The following EMCN variants were observed in gnomAD, a reference collection of about 807,000 sequenced individuals.
The protein encoded by EMCN is MUC-14.
In EMCN, 37 loss-of-function variants were observed where a neutral mutation model predicts 38.4. The observed-to-expected ratio is 0.96, with a 90% confidence interval of 0.74 to 1.27. The LOEUF is 1.27. EMCN is among the 50% of genes most tolerant of loss of function. The pLI is 0.00. For synonymous variants in EMCN, 95 were observed against 100.8 expected, an observed-to-expected ratio of 0.94 and a Z score of 0.35; for missense variants, 318 against 302.8, an observed-to-expected ratio of 1.05 and a Z score of -0.37.
intron 4 of EMCN, among the ~76,000 whole-genome samples, chr4:100,458,677 G>T (rs1419393431): frequency 6.6e-6 from 1 of 152,056 alleles, no homozygotes; most frequent in Non-Finnish European, 1.5e-5. Context: ...AACTAACAAA[G>T]GCCTTAAAAC....
intron 8 of EMCN, 38 bp downstream of exon 8, chr4:100,421,244 C>G: frequency 1.3e-6 from 2 of 1,544,494 alleles, no homozygotes; most frequent in Non-Finnish European, 1.8e-6. Flanking sequence ...AGCATTCATT[C>G]TTCTTTCAGG....
chr4:100,485,340 G>T (rs767374489), intron 1 of EMCN, among the ~76,000 whole-genome samples: 3 of 151,902 alleles, frequency 2.0e-5, no homozygotes, highest in African/African-American at 7.3e-5. Flanking sequence ...CAGTTTTTCA[G>T]TTATGATTTT....
chr4:100,505,338 G>A (rs1729455435), intron 1 of EMCN, among the ~76,000 whole-genome samples: 1 of 152,140 alleles, frequency 6.6e-6, no homozygotes, highest in African/African-American at 2.4e-5. Context: ...ACCCTGTGGG[G>A]CTGGACCCTA....
chr4:100,516,905 T>A (rs1309104542), intron 1 of EMCN, among the ~76,000 whole-genome samples: 1 of 152,160 alleles, frequency 6.6e-6, no homozygotes, highest in Admixed American at 6.6e-5. Flanking sequence ...CTTTCCCAAT[T>A]GTGTTCTTTT....
chr4:100,443,513 G>C (rs1016575556), intron 5 of EMCN, among the ~76,000 whole-genome samples: 24 of 152,202 alleles, frequency 1.6e-4, no homozygotes, highest in Non-Finnish European at 2.9e-5. Flanking sequence ...CAATTCTCCT[G>C]TTCTTGTCTT....
At chr4:100,502,498 C>T in intron 1 of EMCN, among the ~76,000 whole-genome samples, 1 of 152,032 alleles carries the variant, frequency 6.6e-6, no homozygotes, top group East Asian at 1.9e-4. Flanking sequence ...TAAACAATTT[C>T]TTTTTAACTC....
intron 10 of EMCN, among the ~76,000 whole-genome samples, chr4:100,411,688 C>G (rs1726565722): frequency 6.6e-6 from 1 of 151,562 alleles, no homozygotes; most frequent in Non-Finnish European, 1.5e-5. Flanking sequence ...CTATTTTTTT[C>G]TATTTTTCAT....
In EMCN at chr4:100,475,073, A is replaced by T. The variant is rs1057301475; in HGVS notation, c.224T>A (p.Met75Lys). Residue 75 changes from methionine to lysine, a missense_variant, in exon 3 of 12, where the codon ATG (methionine) becomes AAG (lysine). Physicochemically the swap from Met to Lys is moderately conservative, Grantham distance 95 (BLOSUM62 -1). Transcript: ENST00000296420. Reference sequence around the variant, plus strand: ...ACTTGTTAAAAAAGTAGCTGTTGACATCAGAGACATTTTAAGTAATTCATT... The same window carrying T: ...ACTTGTTAAAAAAGTAGCTGTTGACTTCAGAGACATTTTAAGTAATTCATT... ...ITNELLKMSLMSTATFLTSKD... is the reference protein window; with the variant it reads ...ITNELLKMSLKSTATFLTSKD... The T allele has an allele frequency of 3.1e-5, 48 of 1,542,138 alleles. No homozygotes were observed. Among genetic ancestry groups the T allele is most frequent in the Non-Finnish European group, 4.1e-5 (47 of 1,134,340 alleles).
chr4:100,455,636 A>G (rs1483952769), intron 4 of EMCN, among the ~76,000 whole-genome samples: 1 of 151,388 alleles, frequency 6.6e-6, no homozygotes, highest in African/African-American at 2.4e-5. Flanking sequence ...ATTTTTTTCA[A>G]TAGCTTCTTT....
chr4:100,494,251 C>T (rs1288045294), intron 1 of EMCN, among the ~76,000 whole-genome samples: 1 of 152,118 alleles, frequency 6.6e-6, no homozygotes, highest in East Asian at 1.9e-4. Context: ...AAAAGAGTTA[C>T]TTGTGGTGGG....
At chr4:100,505,843 A>T (rs546715393) in intron 1 of EMCN, among the ~76,000 whole-genome samples, 2 of 152,226 alleles carry the variant, frequency 1.3e-5, no homozygotes, top group Non-Finnish European at 2.9e-5. Flanking sequence ...CCACACTGGC[A>T]TGACCTACAA....
At chr4:100,483,668 T>G in intron 1 of EMCN, among the ~76,000 whole-genome samples, 1 of 152,178 alleles carries the variant, frequency 6.6e-6, no homozygotes, top group Non-Finnish European at 1.5e-5. Flanking sequence ...TAGAAAAATT[T>G]TGCAACTGGA....
chr4:100,420,521 C>A (rs1347197), intron 8 of EMCN, among the ~76,000 whole-genome samples: 130,211 of 151,876 alleles, frequency 0.86, 56,321 homozygotes, highest in South Asian at 0.93. Flanking sequence ...TTTGCAATTA[C>A]GGTAACATGA....
chr4:100,473,386 G>GTTTT (rs58646995), intron 3 of EMCN, among the ~76,000 whole-genome samples: 1 of 82,454 alleles, frequency 1.2e-5, no homozygotes, highest in Non-Finnish European at 2.2e-5. Context: ...TTTTTTTTTT[G>GTTTT]TTTTTTTTTT....
chr4:100,397,761 C>T lies in EMCN; in HGVS notation c.*652G>A, dbSNP rs1726153715. The T allele has an allele frequency of 6.6e-6, 1 of 151,974 alleles. No homozygotes were observed. The highest frequency in any genetic ancestry group is 1.5e-5 in the Non-Finnish European group (1 of 67,994). 9.4% of individuals were successfully genotyped at this position (151,974 alleles called of 1,614,324 possible). On this transcript the variant is annotated 3_prime_UTR_variant, in exon 12 of 12. Transcript: ENST00000296420. ...GAGTTCATGTATTCTAATAATCCAT[C>T]CAAAAATATTCATAATTATAGGAAG...
chr4:100,475,658 CCTTT>C (rs1728618729), intron 2 of EMCN, among the ~76,000 whole-genome samples: 1 of 108,092 alleles, frequency 9.3e-6, no homozygotes, highest in Non-Finnish European at 1.8e-5. Context: ...CAATTCTAGT[CCTTT>C]TTTTTTTTTT....
chr4:100,517,350 C>T (rs7663197), intron 1 of EMCN, among the ~76,000 whole-genome samples: 85,329 of 151,760 alleles, frequency 0.56, 24,461 homozygotes, highest in East Asian at 0.81. Context: ...CACCCTACCT[C>T]AAAATATTAG....
intron 11 of EMCN, among the ~76,000 whole-genome samples, chr4:100,400,727 A>T (rs890986892): frequency 6.6e-6 from 1 of 152,174 alleles, no homozygotes; most frequent in Non-Finnish European, 1.5e-5. Context: ...AATGCTCATG[A>T]TTGATACTGT....
intron 5 of EMCN, among the ~76,000 whole-genome samples, chr4:100,425,185 A>ACACACACACACACACAC (rs1560609644): frequency 4.0e-5 from 6 of 150,954 alleles, no homozygotes; most frequent in South Asian, 2.1e-4. Flanking sequence ...ACACACACAC[A>ACACACACACACACACAC]ATTACTGCTC....
Sources: allele counts gnomAD v4.1 joint callset (sites outside exome capture counted in the v4.1 genomes callset), GRCh38; gene constraint gnomAD v4.1.1; transcripts MANE v1.5; gene names NCBI Gene and HGNC (gene_info 2026-07-23, HGNC 2026-07-21).